The following FEZ2 variants were observed in gnomAD, a reference collection of about 807,000 sequenced individuals.
The protein encoded by FEZ2 is fasciculation and elongation protein zeta-2.
In FEZ2, 51 loss-of-function variants were observed where a neutral mutation model predicts 40.4. That is an observed-to-expected ratio of 1.26 (90% CI 1.01 to 1.59). FEZ2 has a LOEUF of 1.59. Among genes scored for constraint, FEZ2 ranks in the 40% most tolerant of loss-of-function variants. The probability of loss-of-function intolerance (pLI) is 0.00; values close to 1 mark genes in which losing one functional copy is unlikely to be tolerated. For missense variants in FEZ2, 640 were observed against 438.3 expected, an observed-to-expected ratio of 1.46 and a Z score of -4.11; for synonymous variants, 242 against 172.0, an observed-to-expected ratio of 1.41 and a Z score of -3.18.
intron 5 of FEZ2, among the ~76,000 whole-genome samples, chr2:36,560,364 T>A (rs1329173741): frequency 6.6e-6 from 1 of 152,200 alleles, no homozygotes; most frequent in Non-Finnish European, 1.5e-5. Flanking sequence ...GACCTAGAAC[T>A]CTAGTCTCAA....
chr2:36,578,631 T>C lies in FEZ2; in HGVS notation c.869A>G (p.Asn290Ser). 1 of 1,613,434 alleles carries C rather than the reference T, an allele frequency of 6.2e-7. No homozygotes were observed. The highest frequency in any genetic ancestry group is 8.5e-7 in the Non-Finnish European group (1 of 1,179,796). Residue 290 changes from asparagine (N) to serine (S), a missense_variant, in exon 5 of 8, where the codon AAT (asparagine) becomes AGT (serine). By Grantham distance (46) the Asn-to-Ser change is conservative. Transcript: ENST00000405912. ...KKKLKNGSSQ[N>S]GKNERSHMPG... ...CATATGACTTCTCTCATTCTTCCCA[T>C]TCTGAGAGCTGCCATTTTTTAGTTT...
chr2:36,569,917 A>G (rs978043700), intron 5 of FEZ2, among the ~76,000 whole-genome samples: 5 of 152,200 alleles, frequency 3.3e-5, no homozygotes, highest in Non-Finnish European at 7.3e-5. Flanking sequence ...CTCTTACTTC[A>G]TTAATATTCT....
intron 5 of FEZ2, among the ~76,000 whole-genome samples, chr2:36,575,380 G>A (rs909566106): frequency 6.6e-6 from 1 of 151,982 alleles, no homozygotes; most frequent in Non-Finnish European, 1.5e-5. Flanking sequence ...GTAAAGACAA[G>A]GTCTCACTAT....
intron 5 of FEZ2, among the ~76,000 whole-genome samples, chr2:36,559,837 A>C (rs75074921): frequency 0.014 from 2,137 of 152,336 alleles, 53 homozygotes; most frequent in African/African-American, 0.049. Context: ...GTGAGAGGCA[A>C]CGGAATGAAA....
At chr2:36,563,103 G>T (rs1227467338) in intron 5 of FEZ2, among the ~76,000 whole-genome samples, 2 of 152,184 alleles carry the variant, frequency 1.3e-5, no homozygotes, top group Admixed American at 1.3e-4. Flanking sequence ...TTTCAATTTC[G>T]TAACATGCAG....
At chr2:36,589,026 T>G (rs918672470) in intron 2 of FEZ2, among the ~76,000 whole-genome samples, 1 of 152,240 alleles carries the variant, frequency 6.6e-6, no homozygotes, top group African/African-American at 2.4e-5. Context: ...ATAGAAAATA[T>G]TTTTTTAAAA....
intron 7 of FEZ2, among the ~76,000 whole-genome samples, chr2:36,553,498 CAA>C (rs1376306342): frequency 6.6e-6 from 1 of 152,218 alleles, no homozygotes; most frequent in East Asian, 1.9e-4. Flanking sequence ...CTAGGGAAGT[CAA>C]AGAAGGGTGC....
chr2:36,561,798 C>T (rs915367202), intron 5 of FEZ2, among the ~76,000 whole-genome samples: 4 of 152,192 alleles, frequency 2.6e-5, no homozygotes, highest in African/African-American at 9.7e-5. Flanking sequence ...AAATTTAAAT[C>T]AGTAAACACA....
In FEZ2 at chr2:36,590,885, G is replaced by A; in HGVS notation, c.375+18C>T. 1 of 1,357,048 alleles carries A rather than the reference G, an allele frequency of 7.4e-7. No individual in the cohort carries two copies. Among genetic ancestry groups the A allele is most frequent in the Non-Finnish European group, 1.1e-6 (1 of 945,684 alleles). 84.1% of individuals were successfully genotyped at this position (1,357,048 alleles called of 1,614,324 possible). On this transcript the variant is annotated intron_variant, in intron 2 of 7. Transcript: ENST00000405912. The stretch of plus-strand genomic sequence containing the variant: ...AGCATCAGTTATTCAAACACTATTG[G>A]TTCAATTCCTAACTTACCCCTTTTT...
rs564064915 is a variant in FEZ2, at chr2:36,575,499, A to AAAAAT, written c.903+3097_903+3098insATTTT. On this transcript the variant is annotated intron_variant, in intron 5 of 7. Coordinates refer to ENST00000405912, the MANE Select transcript of FEZ2 (RefSeq NM_005102.3). ...TCATCCTGCCCACTGTATCTTGAAG[A>AAAAAT]ACACCTGCCACAGGAAAGCACTCCA... 3.4e-3 allele frequency among the ~76,000 whole-genome samples: 515 copies of AAAAAT among 152,344 alleles called. 4 individuals are homozygous for AAAAAT. The highest frequency in any genetic ancestry group is 5.1e-3 in the Non-Finnish European group (350 of 68,024).
chr2:36,562,255 A>C (rs1668113853), intron 5 of FEZ2, among the ~76,000 whole-genome samples: 2 of 152,162 alleles, frequency 1.3e-5, no homozygotes, highest in South Asian at 4.1e-4. Flanking sequence ...TCATGAATTT[A>C]TATTTTTAAT....
chr2:36,578,070 G>C (rs1668627767), intron 5 of FEZ2, among the ~76,000 whole-genome samples: 1 of 152,152 alleles, frequency 6.6e-6, no homozygotes, highest in South Asian at 2.1e-4. Context: ...CCAAATACTA[G>C]GCCACATGGC....
At chr2:36,555,921 T>A (rs1245397266) in intron 6 of FEZ2, 173 bp from the exon 7 acceptor site, 6 of 677,742 alleles carry the variant, frequency 8.9e-6, no homozygotes, top group Admixed American at 6.9e-5. Context: ...CCCAATAATT[T>A]ATTTTAGTGG....
chr2:36,590,082 C>T (rs1038236064), intron 2 of FEZ2: 1 of 152,210 alleles, frequency 6.6e-6, no homozygotes, highest in African/African-American at 2.4e-5. Flanking sequence ...TCCCACCACT[C>T]GTGCTCACAC....
In FEZ2 at chr2:36,597,947, C is replaced by T. The variant is rs1558463882; in HGVS notation, c.196G>A (p.Asp66Asn). ...GTCCTCGGGGGCTCGGCGCCCGGAT[C>T]CGAGGGGCGGAAGCACAGGCTCAGC... ...EKLSLCFRPS[D>N]PGAEPPRTAV... is the part of the protein sequence containing the mutation. The change falls in exon 1 of 8, where the codon GAT (aspartate) becomes AAT (asparagine). Residue 66 changes from aspartate to asparagine, a missense_variant. By Grantham distance (23) the Asp-to-Asn change is conservative (BLOSUM62 1). Coordinates refer to ENST00000405912, the MANE Select transcript of FEZ2 (RefSeq NM_005102.3). 1.4e-6 allele frequency: 2 copies of T among 1,457,712 alleles called. No individual in the cohort carries two copies. Among genetic ancestry groups the T allele is most frequent in the Non-Finnish European group, 1.8e-6 (2 of 1,111,826 alleles). The allele number at this position is 1,457,712 out of a possible 1,614,324, so 90.3% of individuals were successfully genotyped here.
chr2:36,593,631 T>C (rs1006790951), intron 1 of FEZ2, among the ~76,000 whole-genome samples: 5 of 152,012 alleles, frequency 3.3e-5, no homozygotes, highest in Non-Finnish European at 7.3e-5. Context: ...GGGCACCAAG[T>C]CCCTAGGCCG....
intron 1 of FEZ2, among the ~76,000 whole-genome samples, chr2:36,592,201 A>G (rs1403487205): frequency 6.6e-6 from 1 of 152,224 alleles, no homozygotes; most frequent in Non-Finnish European, 1.5e-5. Flanking sequence ...TGAATAAGCA[A>G]TAGGCTTTCT....
At position 36,593,847 on chromosome 2, in the gene FEZ2, T is replaced by TG. The variant is rs1669139967; in HGVS notation, c.267-2837_267-2836insC. On this transcript the variant is annotated intron_variant, in intron 1 of 7. Coordinates refer to ENST00000405912, the MANE Select transcript of FEZ2 (RefSeq NM_005102.3). ...TGAATTTCTCCCCAGAAAATGGGTT[T>TG]TTTTTTTTTCTATCGCATAGTCAGG... Among the ~76,000 whole-genome samples, 2 of 151,738 alleles carry TG rather than the reference T, an allele frequency of 1.3e-5. 1 individual carries two copies. Among genetic ancestry groups the TG allele is most frequent in the East Asian group, 4.0e-4 (2 of 5,006 alleles).
At chr2:36,553,453 A>G (rs1030062699) in intron 7 of FEZ2, among the ~76,000 whole-genome samples, 3 of 152,184 alleles carry the variant, frequency 2.0e-5, no homozygotes, top group Non-Finnish European at 4.4e-5. Context: ...CATTCGCCCT[A>G]TACCATGAGG....
Sources: allele counts gnomAD v4.1 joint callset (sites outside exome capture counted in the v4.1 genomes callset), GRCh38; gene constraint gnomAD v4.1.1; transcripts MANE v1.5; gene names NCBI Gene and HGNC (gene_info 2026-07-23, HGNC 2026-07-21).